The following ANTXR1 variants were observed in gnomAD, a reference collection of about 807,000 sequenced individuals.
ANTXR1 encodes the protein anthrax toxin receptor 1.
In ANTXR1, 19 loss-of-function variants were observed where a neutral mutation model predicts 78.1. The ratio of observed to expected loss-of-function variants is 0.24; its 90% CI spans 0.17 to 0.36. The LOEUF (loss-of-function observed/expected upper bound fraction) is 0.36, where lower values mean the gene tolerates loss of function less well. ANTXR1 is among the 10% of genes least tolerant of loss of function. ANTXR1 has a pLI of 1.00. For synonymous variants in ANTXR1, 273 were observed against 260.5 expected (o/e 1.05, Z -0.46); for missense variants, 518 against 718.6 (o/e 0.72, Z 3.19).
chr2:69,190,211 G>A (rs116212059), intron 16 of ANTXR1, among the ~76,000 whole-genome samples: 2,053 of 152,278 alleles, frequency 0.013, 18 homozygotes, highest in Admixed American at 0.022. Flanking sequence ...CCAGCACAGC[G>A]GATCTCCCCA....
At chr2:69,156,569 A>G (rs1304028285) in intron 13 of ANTXR1, among the ~76,000 whole-genome samples, 2 of 152,248 alleles carry the variant, frequency 1.3e-5, no homozygotes, top group African/African-American at 4.8e-5. Flanking sequence ...CAGGCTGTAC[A>G]GGAAGCATAC....
Position 69,187,602 on chromosome 2 carries a change from T to C in ANTXR1, c.1353+4942T>C, listed in dbSNP as rs1674451956. The stretch of plus-strand genomic sequence containing the variant: ...ATGTATTTCTTTTTTTTTTTTTTTT[T>C]TTTTGAGACAGAGTCTCACTCTGTC... On this transcript the variant is annotated intron_variant, in intron 16 of 17. Coordinates refer to ENST00000303714, the MANE Select transcript of ANTXR1 (RefSeq NM_032208.3). Among the ~76,000 whole-genome samples the C allele has an allele frequency of 2.1e-5, 3 of 145,708 alleles. No individual in the cohort carries two copies. The South Asian group carries it at 6.7e-4, about 32-fold the overall frequency.
At position 69,047,088 on chromosome 2, in the gene ANTXR1, T is replaced by C. The variant is rs545016196; in HGVS notation, c.296+2275T>C. Among the ~76,000 whole-genome samples, 9 of 152,244 alleles carry C rather than the reference T, an allele frequency of 5.9e-5. No homozygotes were observed. In the East Asian group the frequency reaches 1.5e-3, roughly 26 times the overall value. ...AATACAGTATTCGCAGGATGCAAAA[T>C]CCACATATATGGAGGGCTGACTTCT... On this transcript the variant is annotated intron_variant, in intron 3 of 17. Coordinates refer to ENST00000303714, the MANE Select transcript of ANTXR1 (RefSeq NM_032208.3).
rs115808032 is a variant in ANTXR1, at chr2:69,126,568, G to A, written c.951+1925G>A. 7.9e-3 allele frequency among the ~76,000 whole-genome samples: 1,209 copies of A among 152,126 alleles called. 18 individuals are homozygous for A. Among genetic ancestry groups the A allele is most frequent in the African/African-American group, 0.028 (1,144 of 41,496 alleles). ...CTGCCAGCTTTTGAGTGATCCAACA[G>A]TTGGATCTGTATTTCTCATTATGTC... On this transcript the variant is annotated intron_variant, in intron 12 of 17. Coordinates refer to ENST00000303714, the MANE Select transcript of ANTXR1 (RefSeq NM_032208.3).
chr2:69,064,883 C>T (rs532993823), intron 3 of ANTXR1, among the ~76,000 whole-genome samples: 8 of 152,144 alleles, frequency 5.3e-5, no homozygotes, highest in African/African-American at 9.6e-5. Context: ...GCTAAAGTCA[C>T]GTGCCTAGGG....
At chr2:69,015,790 A>G (rs976367698) in intron 1 of ANTXR1, among the ~76,000 whole-genome samples, 2 of 152,174 alleles carry the variant, frequency 1.3e-5, no homozygotes, top group African/African-American at 4.8e-5. Context: ...CCATGAAAAA[A>G]CATAAGAAGT....
chr2:69,067,803 G>A (rs1462957625), intron 3 of ANTXR1, among the ~76,000 whole-genome samples: 3 of 152,194 alleles, frequency 2.0e-5, no homozygotes, highest in Non-Finnish European at 4.4e-5. Flanking sequence ...GGGATTGCTG[G>A]TGCCATGCAC....
At chr2:69,219,384 GACACAC>G (rs377200577) in intron 17 of ANTXR1, among the ~76,000 whole-genome samples, 2,121 of 132,308 alleles carry the variant, frequency 0.016, 57 homozygotes, top group African/African-American at 0.054. Flanking sequence ...CCAGAAGGAG[GACACAC>G]ACACACACAC....
At chr2:69,163,557 T>C (rs980204890) in intron 13 of ANTXR1, among the ~76,000 whole-genome samples, 3 of 152,196 alleles carry the variant, frequency 2.0e-5, no homozygotes, top group African/African-American at 7.2e-5. Context: ...TTCTCTTATA[T>C]CTTTACAAAC....
chr2:69,162,734 A>G (rs536258659), intron 13 of ANTXR1, among the ~76,000 whole-genome samples: 1 of 152,296 alleles, frequency 6.6e-6, no homozygotes, highest in South Asian at 2.1e-4. Flanking sequence ...AAAGTTAACA[A>G]TAATTGTTAA....
chr2:69,183,986 A>G (rs2104465475), intron 16 of ANTXR1, among the ~76,000 whole-genome samples: 1 of 152,116 alleles, frequency 6.6e-6, no homozygotes, highest in South Asian at 2.1e-4. Flanking sequence ...TGCAAACAGA[A>G]CCGAACCAAC....
rs11126217 is a variant in ANTXR1, at chr2:69,124,489, T to A, written c.873-76T>A. The A allele has an allele frequency of 0.3, 376,035 of 1,267,690 alleles. 60,625 individuals carry two copies. The highest frequency in any genetic ancestry group is 0.6 in the African/African-American group (40,722 of 68,178). 78.5% of individuals were successfully genotyped at this position (1,267,690 alleles called of 1,614,324 possible). On this transcript the variant is annotated intron_variant, in intron 11 of 17. Coordinates refer to ENST00000303714, the MANE Select transcript of ANTXR1 (RefSeq NM_032208.3). ...TATTTAAGAGCAGAGCCCAAAGGAG[T>A]CCTGTGTGTCTGGCTCTCAGCCTGT...
chr2:69,175,405 G>A (rs372111757), intron 14 of ANTXR1, among the ~76,000 whole-genome samples: 14 of 135,162 alleles, frequency 1.0e-4, no homozygotes, highest in African/African-American at 3.5e-4. Context: ...CCAGGAGTTC[G>A]AGACCAGCCT....
At chr2:69,145,157 C>T (rs1184930289) in intron 12 of ANTXR1, among the ~76,000 whole-genome samples, 5 of 152,188 alleles carry the variant, frequency 3.3e-5, no homozygotes, top group Admixed American at 3.3e-4. Context: ...TGATGGCAGG[C>T]AGGGGGCCTG....
intron 3 of ANTXR1, among the ~76,000 whole-genome samples, chr2:69,060,617 C>A (rs1255098386): frequency 6.6e-6 from 1 of 152,176 alleles, no homozygotes; most frequent in East Asian, 1.9e-4. Context: ...ACTCTCAAAT[C>A]TTTCAGAGAA....
chr2:69,123,630 C>T (rs1264751628), intron 11 of ANTXR1, among the ~76,000 whole-genome samples: 2 of 152,142 alleles, frequency 1.3e-5, no homozygotes, highest in Non-Finnish European at 2.9e-5. Context: ...TGCGCAGCAT[C>T]GGATGTTCAC....
intron 17 of ANTXR1, among the ~76,000 whole-genome samples, chr2:69,200,158 G>A (rs1029550723): frequency 3.0e-4 from 45 of 152,134 alleles, no homozygotes; most frequent in African/African-American, 1.0e-3. Context: ...TCTGTTTTCA[G>A]ATCTGGCATC....
At chr2:69,104,121 G>A (rs948471037) in intron 10 of ANTXR1, among the ~76,000 whole-genome samples, 11 of 151,968 alleles carry the variant, frequency 7.2e-5, no homozygotes, top group African/African-American at 2.7e-4. Context: ...TGTATTTTTA[G>A]TAGAGATGGG....
At chr2:69,014,014 G>T (rs1413713345) in intron 1 of ANTXR1, among the ~76,000 whole-genome samples, 1 of 152,248 alleles carries the variant, frequency 6.6e-6, no homozygotes, top group Non-Finnish European at 1.5e-5. Context: ...GGCAGAACTT[G>T]CAGGCACAGG....
Sources: allele counts gnomAD v4.1 joint callset (sites outside exome capture counted in the v4.1 genomes callset), GRCh38; gene constraint gnomAD v4.1.1; transcripts MANE v1.5; gene names NCBI Gene and HGNC (gene_info 2026-07-23, HGNC 2026-07-21).